The following PACS2 variants were observed in gnomAD, a reference collection of about 807,000 sequenced individuals.
The protein encoded by PACS2 is PACS1-like protein.
A neutral mutation model predicts 113.0 loss-of-function variants in PACS2; 36 were observed. The observed-to-expected ratio is 0.32, with a 90% CI of 0.24 to 0.42. The LOEUF (loss-of-function observed/expected upper bound fraction) is 0.42. PACS2 is among the 10% of genes least tolerant of loss of function. PACS2 has a pLI of 1.00. For synonymous variants in PACS2, 589 were observed against 536.1 expected, an observed-to-expected ratio of 1.10 and a Z score of -1.36; for missense variants, 1,015 against 1,239.5, an observed-to-expected ratio of 0.82 and a Z score of 2.72.
chr14:105,351,095 G>A (rs949774688), intron 2 of PACS2, among the ~76,000 whole-genome samples: 12 of 152,152 alleles, frequency 7.9e-5, no homozygotes, highest in East Asian at 1.9e-4. Context: ...ACCCCCGCCC[G>A]CCCTCCAGCC....
chr14:105,383,747 T>C, intron 16 of PACS2: 2 of 526,158 alleles, frequency 3.8e-6, no homozygotes, highest in Non-Finnish European at 6.7e-6. Flanking sequence ...CAAGATAACT[T>C]GATTGCCCTA....
intron 20 of PACS2, chr14:105,390,789 T>C (rs1308407742): frequency 1.6e-5 from 4 of 254,154 alleles, no homozygotes; most frequent in Non-Finnish European, 3.1e-5. Flanking sequence ...ACACAGGCCT[T>C]CCCATGCAAC....
chr14:105,392,964 A>T, intron 23 of PACS2, 119 bp downstream of exon 23: 1 of 778,300 alleles, frequency 1.3e-6, no homozygotes, highest in Non-Finnish European at 2.1e-6. Flanking sequence ...CCACATGCGC[A>T]GGCAGGGGCG....
intron 4 of PACS2, among the ~76,000 whole-genome samples, chr14:105,359,370 C>T (rs1001875928): frequency 1.3e-5 from 2 of 151,498 alleles, no homozygotes; most frequent in Admixed American, 1.3e-4. Context: ...TGCAGTGGCG[C>T]GATCTCAGTT....
intron 7 of PACS2, 105 bp downstream of exon 7, chr14:105,368,644 C>A: frequency 1.2e-6 from 1 of 850,552 alleles, no homozygotes. Flanking sequence ...GAGATCTCAC[C>A]CCAGGTCACA....
At chr14:105,384,169 C>T (rs1286167745) in intron 16 of PACS2, 184 bp from the exon 17 acceptor site, 7 of 572,670 alleles carry the variant, frequency 1.2e-5, no homozygotes, top group African/African-American at 3.8e-5. Flanking sequence ...GCTCCTTCAG[C>T]GGGGCCACAG....
chr14:105,385,115 C>T lies in PACS2; in HGVS notation c.2000+128C>T, dbSNP rs1295924677. 18 of 669,744 alleles carry T rather than the reference C, an allele frequency of 2.7e-5. No individual in the cohort carries two copies. In the East Asian group the frequency reaches 4.7e-4, roughly 17 times the overall value. The allele number at this position is 669,744 out of a possible 1,614,324, so 41.5% of individuals were successfully genotyped here. On this transcript the variant is annotated intron_variant, in intron 18 of 24. Coordinates refer to ENST00000447393, the MANE Select transcript of PACS2 (RefSeq NM_001100913.3). ...GCCCTGCACCGGGCTTAGACCAGAG[C>T]CTGGGCCAGCTGGGCAGCTCTGGGC...
In PACS2 at chr14:105,317,381, G is replaced by GCACGCTGA. The variant is rs2058716095; in HGVS notation, c.119+2349_119+2350insTGACACGC. Among the ~76,000 whole-genome samples, 6 of 152,264 alleles carry GCACGCTGA rather than the reference G, an allele frequency of 3.9e-5. No individual in the cohort carries two copies. The South Asian group carries it at 1.2e-3, about 32-fold the overall frequency. ...CTACCAGGATTTATGGTGGGGGTGT[G>GCACGCTGA]CACGCACTCAGCGTTACTGCTGGGC... On this transcript the variant is annotated intron_variant, in intron 1 of 24. Transcript: ENST00000447393. The surrounding 1 kb of genome is among the most constrained non-coding windows in gnomAD (Gnocchi z 4.2).
chr14:105,384,290 G>T (rs587656890), intron 16 of PACS2, 63 bp from the exon 17 acceptor site: 6 of 976,934 alleles, frequency 6.1e-6, no homozygotes, highest in Admixed American at 1.9e-5. Flanking sequence ...CTTTTGTGCC[G>T]CGGTGGGAGC....
Position 105,319,331 on chromosome 14 carries a change from T to C in PACS2, c.119+4294T>C, listed in dbSNP as rs113989099. On this transcript the variant is annotated intron_variant, in intron 1 of 24. Coordinates refer to ENST00000447393, the MANE Select transcript of PACS2 (RefSeq NM_001100913.3). ...ACTCTGTAGAGCAGGTTGGGGAGAA[T>C]TGACGTTTGTGTGGTACTGAGTCTT... 7.9e-3 allele frequency among the ~76,000 whole-genome samples: 1,200 copies of C among 152,370 alleles called. 15 individuals are homozygous for C. Among genetic ancestry groups the C allele is most frequent in the African/African-American group, 0.028 (1,151 of 41,586 alleles).
rs782482507 is a variant in PACS2 at position 105,390,006 on chromosome 14, G to A, written c.2076+3G>A. ...AAAAGTTCATTCCCTTTGTCGGGGT[G>A]AGTACTGGCCAGCTTTATGTGATGG... On this transcript the variant is annotated splice_donor_region_variant and intron_variant, in intron 20 of 24. Transcript: ENST00000447393. 3.1e-6 allele frequency: 5 copies of A among 1,613,510 alleles called. No individual in the cohort carries two copies. Among genetic ancestry groups the A allele is most frequent in the Admixed American group, 1.7e-5 (1 of 60,008 alleles).
Position 105,358,732 on chromosome 14 carries a change from A to G in PACS2, c.423+3555A>G, listed in dbSNP as rs1025835301. On this transcript the variant is annotated intron_variant, in intron 4 of 24. Coordinates refer to ENST00000447393, the MANE Select transcript of PACS2 (RefSeq NM_001100913.3). The surrounding 1 kb of genome is among the most constrained non-coding windows in gnomAD (Gnocchi z 4.9). ...CTTGTGGCCTCGCCACAAGCTGCAC[A>G]TGCCACTGGGGCCAGGTCCAGCCCA... Among the ~76,000 whole-genome samples, 2 of 152,308 alleles carry G rather than the reference A, an allele frequency of 1.3e-5. No individual in the cohort carries two copies. Among genetic ancestry groups the G allele is most frequent in the African/African-American group, 4.8e-5 (2 of 41,572 alleles).
chr14:105,323,096 A>G lies in PACS2; in HGVS notation c.119+8059A>G, dbSNP rs184459950. 1.5e-4 allele frequency among the ~76,000 whole-genome samples: 23 copies of G among 152,124 alleles called. No individual in the cohort carries two copies. Among genetic ancestry groups the G allele is most frequent in the African/African-American group, 2.7e-4 (11 of 41,482 alleles). On this transcript the variant is annotated intron_variant, in intron 1 of 24. Transcript: ENST00000447393. This position sits in a 1 kb window ranked among gnomAD's most constrained non-coding sequence, Gnocchi z 4.1. The stretch of plus-strand genomic sequence containing the variant: ...CTTTGTGGTCATGTCATCGTTGCCA[A>G]CGGTCGTCTCATGGTGGGTCCTGGT...
chr14:105,362,405 A>G lies in PACS2; in HGVS notation c.424-4808A>G, dbSNP rs1239510379. Among the ~76,000 whole-genome samples the G allele has an allele frequency of 2.5e-4, 38 of 149,022 alleles. No homozygotes were observed. In the South Asian group the frequency reaches 2.8e-3, roughly 11 times the overall value. ...GCACTCCAGCCTGGGCGACAGAGCG[A>G]GACTCCGTCTCAAAAAAAAAAAAAA... On this transcript the variant is annotated intron_variant, in intron 4 of 24. Transcript: ENST00000447393.
intron 9 of PACS2, among the ~76,000 whole-genome samples, chr14:105,378,025 C>T (rs587636223): frequency 2.0e-5 from 3 of 152,336 alleles, no homozygotes; most frequent in Admixed American, 6.5e-5. Context: ...TTCTGGCAAC[C>T]GTCCTCGTAC....
At chr14:105,350,341 C>T (rs946039250) in intron 2 of PACS2, among the ~76,000 whole-genome samples, 26 of 152,150 alleles carry the variant, frequency 1.7e-4, no homozygotes, top group African/African-American at 5.1e-4. Flanking sequence ...GTGCTGTTGA[C>T]CTCTAACCTC....
chr14:105,380,868 C>G, intron 11 of PACS2, 89 bp from the exon 12 acceptor site: 1 of 1,340,938 alleles, frequency 7.5e-7, no homozygotes, highest in Non-Finnish European at 1.0e-6. Context: ...GGCCTAAACC[C>G]TCACCCGAGC....
intron 22 of PACS2, 105 bp from the exon 23 acceptor site, chr14:105,392,514 G>A: frequency 1.0e-6 from 1 of 992,266 alleles, no homozygotes; most frequent in South Asian, 1.5e-5. Flanking sequence ...CTGGCAAGTT[G>A]GCACAGGTGC....
In PACS2 at chr14:105,380,087, T is replaced by A; in HGVS notation, c.1058T>A (p.Val353Glu). The A allele has an allele frequency of 6.4e-7, 1 of 1,552,638 alleles. No individual in the cohort carries two copies. Among genetic ancestry groups the A allele is most frequent in the Non-Finnish European group, 8.7e-7 (1 of 1,147,774 alleles). Residue 353 changes from valine to glutamate, a missense_variant, in exon 11 of 25, where the codon GTG becomes GAG. Val to Glu is a moderately radical substitution (Grantham distance 121). Coordinates refer to ENST00000447393, the MANE Select transcript of PACS2 (RefSeq NM_001100913.3). ...SHKEPPSPAD[V>E]PEKTRSLGGR... Reference sequence around the variant, plus strand: ...CCATCTCCTCCCCCACAGGCTGACGTGCCCGAGAAGACGCGGTCCCTGGGA... The same window carrying A: ...CCATCTCCTCCCCCACAGGCTGACGAGCCCGAGAAGACGCGGTCCCTGGGA...
Sources: allele counts gnomAD v4.1 joint callset (sites outside exome capture counted in the v4.1 genomes callset), GRCh38; gene constraint gnomAD v4.1.1; non-coding constraint Gnocchi (gnomAD v3.1); transcripts MANE v1.5; gene names NCBI Gene and HGNC (gene_info 2026-07-23, HGNC 2026-07-21).